CDK15: variants seen among roughly 807,000 people sequenced by gnomAD.
CDK15 encodes cyclin dependent kinase 15, also known as cyclin-dependent kinase 15.
CDK15 carries 62 observed loss-of-function variants against 60.3 expected under a neutral mutation model. That is an observed-to-expected ratio of 1.03 (90% confidence interval 0.84 to 1.27). The LOEUF (loss-of-function observed/expected upper bound fraction) is 1.27, where lower values mean the gene tolerates loss of function less well. Ranked by LOEUF, CDK15 falls within the 50% of genes most tolerant of loss-of-function variation. The pLI, the probability that CDK15 is intolerant of heterozygous loss-of-function variation, is 0.00. For synonymous variants in CDK15, 194 were observed against 195.7 expected, an observed-to-expected ratio of 0.99 and a Z score of 0.07; for missense variants, 541 against 527.8, an observed-to-expected ratio of 1.03 and a Z score of -0.25.
chr2:201,835,682 C>T lies in CDK15; in HGVS notation c.770C>T (p.Ser257Phe). 1.9e-6 allele frequency: 3 copies of T among 1,611,574 alleles called. No homozygotes were observed. Among genetic ancestry groups the T allele is most frequent in the African/African-American group, 1.3e-5 (1 of 74,890 alleles). ...AAGTCCATTCCCAGCCAGACATACT[C>T]TTCAGAAGTCGTGACCCTCTGGTAC... Reference protein sequence around the residue: ...RAKSIPSQTYSSEVVTLWYRP... With the variant: ...RAKSIPSQTYFSEVVTLWYRP... Residue 257 changes from serine to phenylalanine, a missense_variant, in exon 8 of 14, where the codon TCT becomes TTT. Coordinates refer to ENST00000652192, the MANE Select transcript of CDK15 (RefSeq NM_001366386.2).
At chr2:201,847,782 C>T (rs915763918) in intron 9 of CDK15, among the ~76,000 whole-genome samples, 1 of 152,190 alleles carries the variant, frequency 6.6e-6, no homozygotes, top group African/African-American at 2.4e-5. Flanking sequence ...AGACATGTCC[C>T]TACCTTGCTA....
intron 8 of CDK15, among the ~76,000 whole-genome samples, chr2:201,841,554 A>G (rs907753798): frequency 6.6e-6 from 1 of 152,190 alleles, no homozygotes; most frequent in Non-Finnish European, 1.5e-5. Context: ...GAAGATTTCC[A>G]GTTGACAAAG....
At chr2:201,875,088 G>A (rs920188167) in intron 11 of CDK15, among the ~76,000 whole-genome samples, 1 of 152,154 alleles carries the variant, frequency 6.6e-6, no homozygotes, top group Non-Finnish European at 1.5e-5. Flanking sequence ...TGATGGGTTA[G>A]TAGATGGTGT....
chr2:201,827,378 G>A (rs1381816137), intron 6 of CDK15, among the ~76,000 whole-genome samples: 1 of 152,186 alleles, frequency 6.6e-6, no homozygotes, highest in Non-Finnish European at 1.5e-5. Flanking sequence ...ACAGGAGTTT[G>A]AGGCTAAGGT....
intron 8 of CDK15, among the ~76,000 whole-genome samples, chr2:201,846,486 C>T (rs1697670932): frequency 7.5e-6 from 1 of 133,078 alleles, no homozygotes; most frequent in Admixed American, 7.0e-5. Flanking sequence ...GACCAAGATT[C>T]CACCAAAAAA....
At chr2:201,861,572 T>A (rs1698399169) in intron 10 of CDK15, 1 of 956,404 alleles carries the variant, frequency 1.0e-6, no homozygotes, top group Non-Finnish European at 1.2e-6. Context: ...TTTCTTTTTT[T>A]TTTTTTTTAG....
At chr2:201,839,759 A>G (rs1311349506) in intron 8 of CDK15, among the ~76,000 whole-genome samples, 4 of 152,188 alleles carry the variant, frequency 2.6e-5, no homozygotes, top group Non-Finnish European at 5.9e-5. Flanking sequence ...TGGAGGATAT[A>G]AGAGAGTTCT....
intron 2 of CDK15, 107 bp from the exon 3 acceptor site, chr2:201,807,751 C>A: frequency 6.5e-7 from 1 of 1,543,708 alleles, no homozygotes; most frequent in South Asian, 1.2e-5. Context: ...CAAGTCTGCT[C>A]TGGCAATGCT....
chr2:201,887,235 A>G (rs1186522655), intron 12 of CDK15, among the ~76,000 whole-genome samples: 7 of 152,226 alleles, frequency 4.6e-5, no homozygotes, highest in Non-Finnish European at 1.0e-4. Flanking sequence ...CTTATGCTGT[A>G]ACATGAGCTA....
At chr2:201,853,077 C>A (rs1697984100) in intron 9 of CDK15, among the ~76,000 whole-genome samples, 1 of 152,172 alleles carries the variant, frequency 6.6e-6, no homozygotes, top group South Asian at 2.1e-4. Context: ...GTGACTCACA[C>A]CCACTTGTTT....
chr2:201,822,354 C>T (rs1467915400), intron 4 of CDK15, among the ~76,000 whole-genome samples: 1 of 152,200 alleles, frequency 6.6e-6, no homozygotes. Flanking sequence ...TCCACCGGCC[C>T]TATTGACCGC....
chr2:201,840,147 G>A (rs569100573), intron 8 of CDK15, among the ~76,000 whole-genome samples: 1 of 152,120 alleles, frequency 6.6e-6, no homozygotes, highest in East Asian at 1.9e-4. Flanking sequence ...ATCACACCCG[G>A]CTAATTTTTG....
intron 4 of CDK15, among the ~76,000 whole-genome samples, chr2:201,814,383 A>C (rs1228587421): frequency 6.6e-6 from 1 of 152,232 alleles, no homozygotes. Context: ...TGTAATATTA[A>C]AAACCACAAG....
At chr2:201,886,940 C>T (rs1465975047) in intron 12 of CDK15, among the ~76,000 whole-genome samples, 2 of 152,074 alleles carry the variant, frequency 1.3e-5, no homozygotes, top group Non-Finnish European at 2.9e-5. Context: ...GCATGCATAT[C>T]GGGAGCCATA....
chr2:201,889,983 A>T (rs918802344), intron 12 of CDK15, among the ~76,000 whole-genome samples: 9 of 149,798 alleles, frequency 6.0e-5, no homozygotes, highest in Non-Finnish European at 1.0e-4. Flanking sequence ...CAGGAAGTGG[A>T]GGCTGCAGTG....
intron 10 of CDK15, chr2:201,860,877 G>A: frequency 7.4e-7 from 1 of 1,351,402 alleles, no homozygotes; most frequent in East Asian, 4.6e-5. Context: ...AAACCACTAT[G>A]AGACAGAAGA....
chr2:201,880,081 T>C lies in CDK15; in HGVS notation c.1112T>C (p.Phe371Ser), dbSNP rs755029586. The change falls in exon 12 of 14, where the codon TTT (phenylalanine) becomes TCT (serine). Residue 371 changes from phenylalanine (F) to serine (S), a missense_variant. Physicochemically the swap from Phe to Ser is radical, Grantham distance 155. Coordinates refer to ENST00000652192, the MANE Select transcript of CDK15 (RefSeq NM_001366386.2). The stretch of plus-strand genomic sequence containing the variant: ...CTGGCCTCCCAGATGCTAAAAGGCT[T>C]TCCCAGAGACCGCGTCTCCGCCCAG... ...EDLASQMLKG[F>S]PRDRVSAQEA... The C allele has an allele frequency of 3.7e-6, 6 of 1,614,026 alleles. No homozygotes were observed. Among genetic ancestry groups the C allele is most frequent in the Admixed American group, 1.7e-5 (1 of 59,994 alleles).
chr2:201,836,748 T>C (rs987001064), intron 8 of CDK15, among the ~76,000 whole-genome samples: 24 of 150,362 alleles, frequency 1.6e-4, no homozygotes, highest in African/African-American at 5.9e-4. Flanking sequence ...TGCACACACA[T>C]CTGCATGAAC....
At chr2:201,873,819 G>A (rs1424715879) in intron 11 of CDK15, among the ~76,000 whole-genome samples, 2 of 152,200 alleles carry the variant, frequency 1.3e-5, no homozygotes, top group Non-Finnish European at 2.9e-5. Flanking sequence ...TTGGGAGGAC[G>A]AGGTGGGCAG....
Sources: gnomAD v4.1 joint callset for allele counts (sites outside exome capture counted in the v4.1 genomes callset) on GRCh38, gnomAD v4.1.1 for gene constraint, MANE v1.5 for transcripts, NCBI Gene and HGNC (gene_info 2026-07-23, HGNC 2026-07-21) for gene names.